The following ORAI3 variants were observed in gnomAD, a reference collection of about 807,000 sequenced individuals.
ORAI3 encodes protein orai-3.
In ORAI3, 15 loss-of-function variants were observed where a neutral mutation model predicts 17.2. That is an observed-to-expected ratio of 0.87 (90% CI 0.58 to 1.34). ORAI3 has a LOEUF of 1.34. Among genes scored for constraint, ORAI3 ranks in the 40% most tolerant of loss-of-function variants. The pLI is 0.00. For synonymous variants in ORAI3, 178 were observed against 172.4 expected (o/e 1.03, Z -0.25); for missense variants, 405 against 396.7 (o/e 1.02, Z -0.18).
chr16:30,953,652 T>C lies in ORAI3; in HGVS notation c.696T>C (p.Cys232=), dbSNP rs1257861215. The change falls in exon 2 of 2, where the codon TGT becomes TGC. Residue 232 remains cysteine (C), a synonymous_variant. Transcript: ENST00000318663. ...AEPACPPRQA[C]GGGGAHGPGW... is the part of the protein sequence containing the mutation. ...CAGCCTGCCCACCCCGGCAAGCCTGTGGTGGTGGTGGGGCCCATGGGCCAG... is the reference window on the plus strand; with the variant it reads ...CAGCCTGCCCACCCCGGCAAGCCTGCGGTGGTGGTGGGGCCCATGGGCCAG... The C allele has an allele frequency of 3.2e-6, 5 of 1,553,892 alleles. No individual in the cohort carries two copies. The East Asian group carries it at 9.2e-5, about 29-fold the overall frequency.
Position 30,949,490 on chromosome 16 carries a change from G to A in ORAI3, c.201G>A (p.Thr67=), listed in dbSNP as rs756673161. Residue 67 remains threonine, a synonymous_variant, in exon 1 of 2, where the codon ACG becomes ACA. Transcript: ENST00000318663. The part of the protein sequence containing the change: ...SRAKLKASSR[T]SALLSGFAMV... ...CCAAGCTCAAAGCTTCCAGCCGCAC[G>A]TCTGCCTTGCTCTCGGGCTTCGCCA... The A allele has an allele frequency of 2.5e-6, 4 of 1,602,900 alleles. No individual in the cohort carries two copies. In the East Asian group the frequency reaches 6.8e-5, roughly 27 times the overall value.
Position 30,953,728 on chromosome 16 carries a change from G to C in ORAI3, c.772G>C (p.Val258Leu). Residue 258 changes from valine to leucine, a missense_variant, in exon 2 of 2, where the codon GTG becomes CTG. Coordinates refer to ENST00000318663, the MANE Select transcript of ORAI3 (RefSeq NM_152288.3). ...STAIMVPVGL[V>L]FVAFALHFYR... ...AGCCATCATGGTACCCGTGGGGCTC[G>C]TGTTTGTGGCCTTTGCCCTGCATTT... The C allele has an allele frequency of 6.2e-7, 1 of 1,614,204 alleles. No homozygotes were observed. Among genetic ancestry groups the C allele is most frequent in the Non-Finnish European group, 8.5e-7 (1 of 1,180,048 alleles).
At position 30,953,240 on chromosome 16, in the gene ORAI3, T is replaced by A. The variant is rs772940041; in HGVS notation, c.284T>A (p.Leu95Gln). ...ESDHEYPPGL[L>Q]VAFSACTTVL... ...GACCACGAGTACCCACCAGGCCTGC[T>A]GGTGGCCTTCAGTGCCTGCACCACC... The change falls in exon 2 of 2, where the codon CTG becomes CAG. Residue 95 changes from leucine to glutamine, a missense_variant. By Grantham distance (113) the Leu-to-Gln change is moderately radical. Transcript: ENST00000318663. 3.7e-6 allele frequency: 6 copies of A among 1,607,090 alleles called. No individual in the cohort carries two copies. The highest frequency in any genetic ancestry group is 1.3e-5 in the African/African-American group (1 of 74,870).
In ORAI3 at chr16:30,953,826, G is replaced by A. The variant is rs752211967; in HGVS notation, c.870G>A (p.Gly290=). Residue 290 remains glycine, a synonymous_variant, in exon 2 of 2, where the codon GGG becomes GGA. Transcript: ENST00000318663. The part of the protein sequence containing the change: ...QELEELNRLQ[G]ELQAV ...TAGAGGAACTGAATCGCCTGCAGGG[G>A]GAGCTGCAGGCTGTGTGAGACTGGT... 8.1e-6 allele frequency: 13 copies of A among 1,609,990 alleles called. No homozygotes were observed. The highest frequency in any genetic ancestry group is 6.7e-5 in the East Asian group (3 of 44,874).
At chr16:30,949,675 T>C (rs1014452557) in intron 1 of ORAI3, 158 bp downstream of exon 1, 13 of 646,604 alleles carry the variant, frequency 2.0e-5, no homozygotes, top group Non-Finnish European at 3.1e-5. Context: ...GCAAGTCCCT[T>C]CTTACGGATG....
intron 1 of ORAI3, among the ~76,000 whole-genome samples, chr16:30,950,165 G>A (rs2055917432): frequency 6.6e-6 from 1 of 152,172 alleles, no homozygotes; most frequent in South Asian, 2.1e-4. Context: ...ACAGGAAGTG[G>A]GATGGAGGGA....
intron 1 of ORAI3, among the ~76,000 whole-genome samples, chr16:30,950,567 C>T (rs2055920000): frequency 6.6e-6 from 1 of 152,084 alleles, no homozygotes; most frequent in African/African-American, 2.4e-5. Flanking sequence ...ATATCAGAGG[C>T]GGTTGGGGTG....
intron 1 of ORAI3, among the ~76,000 whole-genome samples, chr16:30,950,278 A>G (rs560655539): frequency 6.6e-6 from 1 of 152,202 alleles, no homozygotes; most frequent in African/African-American, 2.4e-5. Flanking sequence ...AGCCAGTGGG[A>G]AACTGAGATC....
chr16:30,953,175 G>T lies in ORAI3; in HGVS notation c.229-10G>T. On this transcript the variant is annotated splice_polypyrimidine_tract_variant and intron_variant, in intron 1 of 1. Coordinates refer to ENST00000318663, the MANE Select transcript of ORAI3 (RefSeq NM_152288.3). Reference sequence around the variant, plus strand: ...TGGGGAGATCAGTACATCCCCTCTTGTCCCTGCAGGTGGCCATGGTGGAGG... The same window carrying T: ...TGGGGAGATCAGTACATCCCCTCTTTTCCCTGCAGGTGGCCATGGTGGAGG... The T allele has an allele frequency of 1.3e-6, 2 of 1,567,790 alleles. No homozygotes were observed. Among genetic ancestry groups the T allele is most frequent in the South Asian group, 2.4e-5 (2 of 82,118 alleles).
Position 30,953,787 on chromosome 16 carries a change from C to T in ORAI3, c.831C>T (p.Arg277=), listed in dbSNP as rs1015020353. 4 of 1,613,812 alleles carry T rather than the reference C, an allele frequency of 2.5e-6. No individual in the cohort carries two copies. Among genetic ancestry groups the T allele is most frequent in the Non-Finnish European group, 3.4e-6 (4 of 1,179,982 alleles). The part of the protein sequence containing the change: ...YRSLVAHKTD[R]YKQELEELNR... Reference sequence around the variant, plus strand: ...CCTTGGTGGCACACAAGACAGACCGCTACAAGCAGGAACTAGAGGAACTGA... The same window carrying T: ...CCTTGGTGGCACACAAGACAGACCGTTACAAGCAGGAACTAGAGGAACTGA... The change falls in exon 2 of 2, where the codon CGC becomes CGT. Residue 277 remains arginine, a synonymous_variant. Coordinates refer to ENST00000318663, the MANE Select transcript of ORAI3 (RefSeq NM_152288.3).
At chr16:30,950,151 C>T (rs2055917364) in intron 1 of ORAI3, among the ~76,000 whole-genome samples, 1 of 152,170 alleles carries the variant, frequency 6.6e-6, no homozygotes, top group South Asian at 2.1e-4. Context: ...CCAGCAGTGG[C>T]CTCACAGGAA....
Position 30,949,271 on chromosome 16 carries a change from G to C in ORAI3, c.-19G>C. 7.2e-7 allele frequency: 1 copy of C among 1,389,396 alleles called. No homozygotes were observed. The highest frequency in any genetic ancestry group is 9.3e-7 in the Non-Finnish European group (1 of 1,077,684). The allele number at this position is 1,389,396 out of a possible 1,614,324, so 86.1% of individuals were successfully genotyped here. A position where few individuals can be genotyped will look rare whatever the true frequency, so the allele number is the denominator to read the frequency against. ...GCTTCCGCCCCGTAGTGACCGCCTG[G>C]TGCCGCCCCCCCCCCAGGATGAAGG... On this transcript the variant is annotated 5_prime_UTR_variant, in exon 1 of 2. Coordinates refer to ENST00000318663, the MANE Select transcript of ORAI3 (RefSeq NM_152288.3).
chr16:30,954,410 G>T lies in ORAI3; in HGVS notation c.*566G>T. 1 of 343,980 alleles carries T rather than the reference G, an allele frequency of 2.9e-6. No homozygotes were observed. Among genetic ancestry groups the T allele is most frequent in the Non-Finnish European group, 5.4e-6 (1 of 186,332 alleles). The allele number at this position is 343,980 out of a possible 1,614,324, so 21.3% of individuals were successfully genotyped here. Reference sequence around the variant, plus strand: ...CGACTAATTTTTTTGTAGAGACGGGGTTTCGCTGTTCCCAGGCTGGTCTCA... The same window carrying T: ...CGACTAATTTTTTTGTAGAGACGGGTTTTCGCTGTTCCCAGGCTGGTCTCA... On this transcript the variant is annotated 3_prime_UTR_variant, in exon 2 of 2. Transcript: ENST00000318663.
Position 30,949,361 on chromosome 16 carries a change from G to T in ORAI3, c.72G>T (p.Ser24=). ...CTGAGGGCGAGAGCCCTGCAGGCTC[G>T]GCCACGTACCGGGAGTTCGTGCACC... ...LNPEGESPAG[S]ATYREFVHRG... The change falls in exon 1 of 2, where the codon TCG becomes TCT. Residue 24 remains serine (S), a synonymous_variant. Coordinates refer to ENST00000318663, the MANE Select transcript of ORAI3 (RefSeq NM_152288.3). 1.3e-6 allele frequency: 2 copies of T among 1,557,064 alleles called. No homozygotes were observed. The highest frequency in any genetic ancestry group is 1.7e-6 in the Non-Finnish European group (2 of 1,153,336).
chr16:30,951,588 T>C (rs1456139947), intron 1 of ORAI3, among the ~76,000 whole-genome samples: 2 of 151,580 alleles, frequency 1.3e-5, no homozygotes, highest in African/African-American at 4.9e-5. Flanking sequence ...ACATTGGGGG[T>C]GATGGCTCAC....
Position 30,953,440 on chromosome 16 carries a change from T to G in ORAI3, c.484T>G (p.Phe162Val). The G allele has an allele frequency of 6.2e-7, 1 of 1,614,222 alleles. No individual in the cohort carries two copies. Among genetic ancestry groups the G allele is most frequent in the African/African-American group, 1.3e-5 (1 of 75,076 alleles). The change falls in exon 2 of 2, where the codon TTC becomes GTC. Residue 162 changes from phenylalanine (F) to valine (V), a missense_variant. Coordinates refer to ENST00000318663, the MANE Select transcript of ORAI3 (RefSeq NM_152288.3). ...CTCCACTGCCCTGGGCACCTTTCTC[T>G]TCCTTGCTGAAGTTGTCCTGGTTGG... ...GFSTALGTFL[F>V]LAEVVLVGWV...
Position 30,953,352 on chromosome 16 carries a change from C to T in ORAI3, c.396C>T (p.Leu132=), listed in dbSNP as rs2055933765. 6.2e-7 allele frequency: 1 copy of T among 1,614,198 alleles called. No homozygotes were observed. Among genetic ancestry groups the T allele is most frequent in the East Asian group, 2.2e-5 (1 of 44,890 alleles). Residue 132 remains leucine, a synonymous_variant, in exon 2 of 2, where the codon CTC becomes CTT. Transcript: ENST00000318663. ...AAGCTGTGAGCAACATCCACAACCT[C>T]AACTCTGTCCACCAGTCGCCACACC... is the stretch of plus-strand genomic sequence containing the variant. The part of the protein sequence containing the change: ...HIEAVSNIHN[L]NSVHQSPHQR...
rs773292935 is a variant in ORAI3 at position 30,953,776 on chromosome 16, A to C, written c.820A>C (p.Lys274Gln). The C allele has an allele frequency of 4.3e-6, 7 of 1,613,950 alleles. No individual in the cohort carries two copies. In the East Asian group the frequency reaches 1.6e-4, roughly 36 times the overall value. ...LHFYRSLVAH[K>Q]TDRYKQELEE... ...TTTCTACCGCTCCTTGGTGGCACAC[A>C]AGACAGACCGCTACAAGCAGGAACT... The change falls in exon 2 of 2, where the codon AAG becomes CAG. Residue 274 changes from lysine to glutamine, a missense_variant. Coordinates refer to ENST00000318663, the MANE Select transcript of ORAI3 (RefSeq NM_152288.3).
rs775257688 is a variant in ORAI3, at chr16:30,953,449, GA to G, written c.495del (p.Val166LeufsTer117). The G allele has an allele frequency of 6.2e-7, 1 of 1,614,272 alleles. No individual in the cohort carries two copies. Among genetic ancestry groups the G allele is most frequent in the Admixed American group, 1.7e-5 (1 of 60,030 alleles). The stretch of plus-strand genomic sequence containing the variant: ...CCTGGGCACCTTTCTCTTCCTTGCT[GA>G]AGTTGTCCTGGTTGGTTGGGTCAAG... The part of the protein sequence containing the change: ...TALGTFLFLA[E>X]VVLVGWVKFV... On this transcript the variant is annotated frameshift_variant, in exon 2 of 2. Transcript: ENST00000318663. LOFTEE classifies it high-confidence loss of function.
Sources: gnomAD v4.1 joint callset for allele counts (sites outside exome capture counted in the v4.1 genomes callset) on GRCh38, gnomAD v4.1.1 for gene constraint, MANE v1.5 for transcripts, NCBI Gene and HGNC (gene_info 2026-07-23, HGNC 2026-07-21) for gene names.